ARB2A: variants seen among roughly 807,000 people sequenced by gnomAD.
ARB2A encodes the protein cotranscriptional regulator ARB2A.
At chr5:93,736,666 G>T in the ARB2A span, 1 of 152,114 alleles carries the variant, frequency 6.6e-6, no homozygotes, top group Non-Finnish European at 1.5e-5. Context: ...TAGTGGTACT[G>T]GTAGTTAGCA....
chr5:93,683,819 G>GT, the ARB2A span, among the ~76,000 whole-genome samples: 7 of 148,902 alleles, frequency 4.7e-5, no homozygotes, highest in East Asian at 2.0e-4. Context: ...CAGGCAAAAA[G>GT]TTTTTTTTTT....
the ARB2A span, among the ~76,000 whole-genome samples, chr5:93,767,167 T>A: frequency 6.6e-6 from 1 of 152,272 alleles, no homozygotes; most frequent in Admixed American, 6.5e-5. Context: ...TGTGCACATG[T>A]ACCTTAAAAC....
the ARB2A span, among the ~76,000 whole-genome samples, chr5:93,692,193 AAATG>A: frequency 6.6e-6 from 1 of 152,226 alleles, no homozygotes; most frequent in Non-Finnish European, 1.5e-5. Context: ...CCTTAAATGT[AAATG>A]GGTTAAAAGC....
chr5:93,971,840 G>C, the ARB2A span, among the ~76,000 whole-genome samples: 1 of 152,028 alleles, frequency 6.6e-6, no homozygotes, highest in Non-Finnish European at 1.5e-5. Flanking sequence ...GCAGAAGGGA[G>C]GCAGATCTCA....
At chr5:93,869,546 A>G in the ARB2A span, among the ~76,000 whole-genome samples, 2 of 152,184 alleles carry the variant, frequency 1.3e-5, no homozygotes. Context: ...GCAGGTACTA[A>G]GTACTTAATT....
chr5:93,772,098 C>A, the ARB2A span, among the ~76,000 whole-genome samples: 2 of 152,152 alleles, frequency 1.3e-5, no homozygotes, highest in Non-Finnish European at 2.9e-5. Flanking sequence ...AAATGTGGCA[C>A]AAATACACCA....
the ARB2A span, among the ~76,000 whole-genome samples, chr5:93,632,043 T>G: frequency 1.3e-5 from 2 of 152,170 alleles, no homozygotes; most frequent in African/African-American, 4.8e-5. Flanking sequence ...ATGCATTCAT[T>G]GTATGCCAGG....
At chr5:93,999,208 G>A in the ARB2A span, among the ~76,000 whole-genome samples, 1 of 151,370 alleles carries the variant, frequency 6.6e-6, no homozygotes, top group African/African-American at 2.4e-5. Flanking sequence ...TGGCTGGGGT[G>A]GTAGCTCATT....
the ARB2A span, among the ~76,000 whole-genome samples, chr5:94,022,534 A>G: frequency 6.6e-6 from 1 of 152,208 alleles, no homozygotes; most frequent in South Asian, 2.1e-4. Flanking sequence ...TTTACTCTGG[A>G]CTGGGCTTTG....
chr5:93,720,007 CA>C, the ARB2A span, among the ~76,000 whole-genome samples: 3 of 152,302 alleles, frequency 2.0e-5, no homozygotes, highest in Admixed American at 6.5e-5. Flanking sequence ...CTTATCTGCT[CA>C]GGCCGTCATG....
At chr5:93,950,074 T>C in the ARB2A span, among the ~76,000 whole-genome samples, 1 of 152,190 alleles carries the variant, frequency 6.6e-6, no homozygotes, top group African/African-American at 2.4e-5. Flanking sequence ...TAGTATTCCA[T>C]TGCATATATG....
the ARB2A span, among the ~76,000 whole-genome samples, chr5:94,047,441 G>A: frequency 8.7e-5 from 13 of 149,866 alleles, no homozygotes; most frequent in African/African-American, 2.2e-4. Flanking sequence ...GCAGTGAGCC[G>A]AGGGTGAGCT....
At chr5:93,956,918 A>G in the ARB2A span, among the ~76,000 whole-genome samples, 2 of 152,144 alleles carry the variant, frequency 1.3e-5, no homozygotes, top group Non-Finnish European at 2.9e-5. Flanking sequence ...GTTCATATTC[A>G]TTTTTTTAAG....
At chr5:93,915,431 C>T in the ARB2A span, among the ~76,000 whole-genome samples, 1 of 151,382 alleles carries the variant, frequency 6.6e-6, no homozygotes, top group Non-Finnish European at 1.5e-5. Flanking sequence ...ACCAGATAAT[C>T]AAGGTTTTAC....
the ARB2A span, chr5:93,958,693 T>C: frequency 1.1e-6 from 1 of 947,554 alleles, no homozygotes; most frequent in Non-Finnish European, 1.5e-6. Flanking sequence ...ATGCTTAGGA[T>C]ATACTTTTTG....
the ARB2A span, among the ~76,000 whole-genome samples, chr5:94,019,512 A>G: frequency 2.0e-5 from 3 of 152,254 alleles, no homozygotes; most frequent in Non-Finnish European, 2.9e-5. Flanking sequence ...GAAGACATTC[A>G]TGCAGCCAAC....
chr5:93,760,578 A>G, the ARB2A span, among the ~76,000 whole-genome samples: 1 of 152,208 alleles, frequency 6.6e-6, no homozygotes, highest in Admixed American at 6.5e-5. Flanking sequence ...AACAGAATAG[A>G]GAACACAGAA....
chr5:93,914,429 G>T, the ARB2A span, among the ~76,000 whole-genome samples: 4 of 151,864 alleles, frequency 2.6e-5, no homozygotes, highest in African/African-American at 9.7e-5. Context: ...TGTGAAATAT[G>T]GCATCCAAAA....
At chr5:93,879,255 A>C in the ARB2A span, among the ~76,000 whole-genome samples, 1 of 152,148 alleles carries the variant, frequency 6.6e-6, no homozygotes, top group South Asian at 2.1e-4. Flanking sequence ...GCCAAAACTT[A>C]CTATCTAGAA....
Sources: gnomAD v4.1 joint callset for allele counts (sites outside exome capture counted in the v4.1 genomes callset) on GRCh38, gnomAD v4.1.1 for gene constraint, MANE v1.5 for transcripts, NCBI Gene and HGNC (gene_info 2026-07-23, HGNC 2026-07-21) for gene names.